The following EBF1 variants were observed in gnomAD, a reference collection of about 807,000 sequenced individuals.
EBF1 encodes the protein transcription factor COE1.
In EBF1, 10 loss-of-function variants were observed where a neutral mutation model predicts 68.4. That is an observed-to-expected ratio of 0.15 (90% CI 0.09 to 0.25). The LOEUF (loss-of-function observed/expected upper bound fraction) is 0.25. EBF1 is among the 10% of genes least tolerant of loss of function. The probability of loss-of-function intolerance (pLI) is 1.00; values close to 1 mark genes in which losing one functional copy is unlikely to be tolerated. For missense variants in EBF1, 509 were observed against 794.4 expected (o/e 0.64, Z 4.32); for synonymous variants, 298 against 299.8 (o/e 0.99, Z 0.06).
intron 6 of EBF1, among the ~76,000 whole-genome samples, chr5:159,028,753 T>G (rs1768195933): frequency 6.6e-6 from 1 of 151,992 alleles, no homozygotes; most frequent in South Asian, 2.1e-4. Flanking sequence ...GGATGGAAGG[T>G]TGGAAGGAAA....
chr5:158,722,621 T>C (rs1762160950), intron 11 of EBF1, among the ~76,000 whole-genome samples: 1 of 152,258 alleles, frequency 6.6e-6, no homozygotes, highest in South Asian at 2.1e-4. Flanking sequence ...TTGCTTTTGC[T>C]TCTTCAACTG....
chr5:158,994,588 G>T, intron 6 of EBF1, among the ~76,000 whole-genome samples: 1 of 152,224 alleles, frequency 6.6e-6, no homozygotes, highest in South Asian at 2.1e-4. Flanking sequence ...GGAACTCTAC[G>T]CCTAAGATTT....
intron 10 of EBF1, among the ~76,000 whole-genome samples, chr5:158,773,014 C>CA (rs1774209459): frequency 6.6e-6 from 1 of 152,062 alleles, no homozygotes; most frequent in Non-Finnish European, 1.5e-5. Context: ...TCTGAGAATT[C>CA]AATCTATATC....
intron 6 of EBF1, among the ~76,000 whole-genome samples, chr5:158,926,256 T>G (rs1018347916): frequency 6.6e-6 from 1 of 152,222 alleles, no homozygotes; most frequent in Non-Finnish European, 1.5e-5. Context: ...GGTCTACTTA[T>G]AAGCAAATGA....
At chr5:158,709,416 G>A (rs1261482791) in intron 14 of EBF1, among the ~76,000 whole-genome samples, 2 of 152,046 alleles carry the variant, frequency 1.3e-5, no homozygotes, top group African/African-American at 4.8e-5. Flanking sequence ...GCTAGAATGC[G>A]CTGAAGCAAG....
At chr5:158,886,829 C>T (rs1374983861) in intron 6 of EBF1, among the ~76,000 whole-genome samples, 1 of 152,102 alleles carries the variant, frequency 6.6e-6, no homozygotes, top group Non-Finnish European at 1.5e-5. Flanking sequence ...TTGGCCAACA[C>T]GGTCTCTACT....
intron 10 of EBF1, among the ~76,000 whole-genome samples, chr5:158,775,768 A>ATG (rs1413005818): frequency 3.0e-5 from 4 of 133,116 alleles, no homozygotes; most frequent in African/African-American, 1.2e-4. Flanking sequence ...ACACACACAC[A>ATG]CACACATGCA....
At chr5:158,866,191 T>G (rs1431800113) in intron 6 of EBF1, among the ~76,000 whole-genome samples, 1 of 152,248 alleles carries the variant, frequency 6.6e-6, no homozygotes, top group Non-Finnish European at 1.5e-5. Context: ...GTTGCAGACC[T>G]GAGTCCCTCT....
chr5:158,738,943 G>A (rs1005373573), intron 10 of EBF1, among the ~76,000 whole-genome samples: 4 of 152,148 alleles, frequency 2.6e-5, no homozygotes, highest in Admixed American at 1.3e-4. Flanking sequence ...TGAACAAGCC[G>A]TTTGGTGGCC....
chr5:159,047,830 C>T (rs1201450452), intron 6 of EBF1, among the ~76,000 whole-genome samples: 1 of 152,106 alleles, frequency 6.6e-6, no homozygotes. Context: ...TTCATAGAAG[C>T]CTGTCTGAAC....
chr5:158,745,461 C>T (rs115439992), intron 10 of EBF1, among the ~76,000 whole-genome samples: 1,846 of 152,222 alleles, frequency 0.012, 19 homozygotes, highest in Admixed American at 0.017. Flanking sequence ...AAGGTTTGAA[C>T]CCACCCACCT....
At chr5:158,960,724 C>T (rs1030346184) in intron 6 of EBF1, among the ~76,000 whole-genome samples, 8 of 152,170 alleles carry the variant, frequency 5.3e-5, no homozygotes, top group Non-Finnish European at 2.9e-5. Context: ...TGTGTGACTT[C>T]CAAGACTAGG....
intron 6 of EBF1, among the ~76,000 whole-genome samples, chr5:159,070,622 T>TA (rs757025956): frequency 1.3e-5 from 2 of 152,122 alleles, no homozygotes; most frequent in African/African-American, 2.4e-5. Context: ...TTTTGACTGA[T>TA]AAAAATAGTA....
At chr5:158,989,192 C>G (rs1195116280) in intron 6 of EBF1, among the ~76,000 whole-genome samples, 1 of 152,214 alleles carries the variant, frequency 6.6e-6, no homozygotes, top group Non-Finnish European at 1.5e-5. Context: ...TGGACAGCGA[C>G]AGTCTGTACC....
intron 10 of EBF1, 137 bp from the exon 11 acceptor site, chr5:158,731,294 T>A: frequency 1.2e-6 from 1 of 846,330 alleles, no homozygotes; most frequent in Non-Finnish European, 1.8e-6. Flanking sequence ...AAGATGGTTG[T>A]GTGAATGATC....
Position 158,908,695 on chromosome 5 carries a change from G to A in EBF1, c.555-68585C>T, listed in dbSNP as rs145138206. ...TGTAGATTTATAATGGAGGAGATGC[G>A]TTTGCACCTCCAAACACAAATTATG... On this transcript the variant is annotated intron_variant, in intron 6 of 15. Transcript: ENST00000313708. Among the ~76,000 whole-genome samples the A allele has an allele frequency of 3.3e-5, 5 of 152,324 alleles. No individual in the cohort carries two copies. In the East Asian group the frequency reaches 9.6e-4, roughly 29 times the overall value.
intron 3 of EBF1, 95 bp downstream of exon 3, chr5:159,096,248 C>T (rs1584590713): frequency 3.7e-6 from 5 of 1,337,188 alleles, no homozygotes; most frequent in South Asian, 1.3e-5. Context: ...GATGACTGAC[C>T]TTCGCTGGAG....
chr5:158,866,567 T>A lies in EBF1; in HGVS notation c.555-26457A>T, dbSNP rs140909925. 6.6e-3 allele frequency among the ~76,000 whole-genome samples: 997 copies of A among 152,126 alleles called. 11 individuals are homozygous for A. The highest frequency in any genetic ancestry group is 0.023 in the African/African-American group (944 of 41,496). On this transcript the variant is annotated intron_variant, in intron 6 of 15. Transcript: ENST00000313708. ...CCAGTGTCCCGCAATTCATTACCCC[T>A]GCCTTGTCAACAATTCAAAGCCCGA...
chr5:159,068,345 C>T (rs1019951746), intron 6 of EBF1, among the ~76,000 whole-genome samples: 1 of 151,250 alleles, frequency 6.6e-6, no homozygotes, highest in Non-Finnish European at 1.5e-5. Context: ...CCACACCCGA[C>T]CCAATGGTAA....
Sources: allele counts gnomAD v4.1 joint callset (sites outside exome capture counted in the v4.1 genomes callset), GRCh38; gene constraint gnomAD v4.1.1; transcripts MANE v1.5; gene names NCBI Gene and HGNC (gene_info 2026-07-23, HGNC 2026-07-21).